MICAL2: variants seen among roughly 807,000 people sequenced by gnomAD.
MICAL2 encodes microtubule associated monooxygenase, calponin and LIM domain containing 2.
MICAL2 carries 77 observed loss-of-function variants against 127.3 expected under a neutral mutation model. The observed-to-expected ratio is 0.60, with a 90% CI of 0.50 to 0.73. MICAL2 has a LOEUF of 0.73. MICAL2 is among the 30% of genes least tolerant of loss of function. MICAL2 has a pLI of 0.00. For synonymous variants in MICAL2, 570 were observed against 551.1 expected (o/e 1.03, Z -0.48); for missense variants, 1,351 against 1,434.4 (o/e 0.94, Z 0.94).
chr11:12,118,646 G>A (rs1850245809), intron 1 of MICAL2, among the ~76,000 whole-genome samples: 1 of 152,210 alleles, frequency 6.6e-6, no homozygotes, highest in Non-Finnish European at 1.5e-5. Flanking sequence ...GGGGCATGTT[G>A]TGGATGCAGG....
intron 32 of MICAL2, among the ~76,000 whole-genome samples, chr11:12,348,086 G>A (rs556513510): frequency 1.1e-4 from 16 of 147,578 alleles, no homozygotes; most frequent in African/African-American, 1.5e-4. Flanking sequence ...CCTGAGAGGC[G>A]GAGGTTGCAG....
intron 26 of MICAL2, chr11:12,262,206 G>A (rs377490119): frequency 7.5e-7 from 1 of 1,335,342 alleles, no homozygotes; most frequent in East Asian, 3.1e-5. Flanking sequence ...ATGAATGGGA[G>A]ACGCTAGAGT....
rs1321426731 is a variant in MICAL2, at chr11:12,287,145, GA to G, written c.314del (p.Arg106GlyfsTer10). On this transcript the variant is annotated frameshift_variant, in exon 3 of 3. Coordinates refer to the MICAL2 transcript ENST00000529028. LOFTEE classifies it low-confidence loss of function (END_TRUNC). ...CAACCCCAAGCAAATACCAGAACTG[GA>G]GGAGAGAATTCTGGTGGAGTGAGTC... The G allele has an allele frequency of 2.5e-6, 1 of 398,876 alleles. No homozygotes were observed. The highest frequency in any genetic ancestry group is 3.6e-5 in the East Asian group (1 of 28,068). The allele number at this position is 398,876 out of a possible 1,614,324, so 24.7% of individuals were successfully genotyped here.
At chr11:12,224,207 G>A (rs145178442) in intron 12 of MICAL2, among the ~76,000 whole-genome samples, 15 of 152,160 alleles carry the variant, frequency 9.9e-5, no homozygotes, top group South Asian at 2.1e-4. Context: ...GACTTCTTCC[G>A]TCTGATAAGT....
At chr11:12,260,082 G>C (rs573337121) in intron 26 of MICAL2, 185 bp downstream of exon 26, 1 of 1,537,092 alleles carries the variant, frequency 6.5e-7, no homozygotes, top group African/African-American at 1.4e-5. Context: ...CGTTCTCTGA[G>C]GTCCTGGCAG....
At chr11:12,293,756 A>G, downstream of MICAL2, 1 of 1,613,860 alleles carries the variant, frequency 6.2e-7, no homozygotes, top group South Asian at 1.1e-5. Context: ...CCCTGCAGAG[A>G]TGACTTCTGA....
At position 12,157,961 on chromosome 11, in the gene MICAL2, C is replaced by G. The variant is rs549753091; in HGVS notation, c.-77-4118C>G. ...CAAAAAATAAATGAGTTGTCCAAGT[C>G]TACACAGAGAGGAAGTGAGTTTGAA... is the stretch of plus-strand genomic sequence containing the variant. On this transcript the variant is annotated intron_variant, in intron 2 of 27. Transcript: ENST00000683283. Among the ~76,000 whole-genome samples the G allele has an allele frequency of 3.9e-5, 6 of 152,272 alleles. No homozygotes were observed. In the South Asian group the frequency reaches 1.2e-3, roughly 32 times the overall value.
downstream of MICAL2, chr11:12,293,437 T>G: frequency 2.4e-6 from 3 of 1,227,042 alleles, no homozygotes; most frequent in Non-Finnish European, 3.4e-6. Context: ...AATTATTTTT[T>G]AATTTGGGCA....
At chr11:12,281,597 T>G (rs1379302257) in intron 2 of MICAL2, among the ~76,000 whole-genome samples, 2 of 152,124 alleles carry the variant, frequency 1.3e-5, no homozygotes, top group Admixed American at 6.5e-5. Flanking sequence ...GCACCCAAAC[T>G]TCTACACAAC....
intron 15 of MICAL2, among the ~76,000 whole-genome samples, chr11:12,228,244 C>T (rs1026100321): frequency 2.3e-4 from 35 of 152,146 alleles, no homozygotes; most frequent in African/African-American, 6.5e-4. Flanking sequence ...GCAGGAGAAT[C>T]GCTTGAACCC....
chr11:12,259,495 A>G (rs1862809213), intron 25 of MICAL2, among the ~76,000 whole-genome samples: 1 of 152,210 alleles, frequency 6.6e-6, no homozygotes, highest in Non-Finnish European at 1.5e-5. Flanking sequence ...TTTACAGTGT[A>G]TGCTAGTATG....
At chr11:12,273,371 C>A (rs928790512), upstream of MICAL2, among the ~76,000 whole-genome samples, 3 of 152,192 alleles carry the variant, frequency 2.0e-5, no homozygotes, top group Non-Finnish European at 4.4e-5. Context: ...GCCACCACCA[C>A]CACCATCGCC....
chr11:12,148,881 C>T (rs1035926624), intron 2 of MICAL2, among the ~76,000 whole-genome samples: 3 of 152,150 alleles, frequency 2.0e-5, no homozygotes, highest in Non-Finnish European at 2.9e-5. Context: ...CCCAGCCAGG[C>T]GTCACTGTGT....
At chr11:12,269,426 A>G (rs546278080) in intron 24 of MICAL2, among the ~76,000 whole-genome samples, 4 of 152,352 alleles carry the variant, frequency 2.6e-5, no homozygotes, top group African/African-American at 9.6e-5. Flanking sequence ...GGCTCCAGAC[A>G]TGCTGCTGTT....
At chr11:12,209,020 A>AT (rs11382193) in intron 5 of MICAL2, among the ~76,000 whole-genome samples, 72,411 of 150,620 alleles carry the variant, frequency 0.48, 18,448 homozygotes, top group African/African-American at 0.67. Flanking sequence ...GCTTCACCTG[A>AT]TTTTTTTTTT....
intron 29 of MICAL2, chr11:12,308,239 T>C (rs566438208): frequency 1.3e-5 from 2 of 152,232 alleles, no homozygotes; most frequent in Admixed American, 6.5e-5. Context: ...TTTGTTTTTC[T>C]TAAAAATTAA....
intron 3 of MICAL2, among the ~76,000 whole-genome samples, chr11:12,172,981 T>C (rs920662124): frequency 6.6e-6 from 1 of 152,172 alleles, no homozygotes; most frequent in Non-Finnish European, 1.5e-5. Context: ...ATAACATACA[T>C]AGTTATAGAA....
intron 29 of MICAL2, among the ~76,000 whole-genome samples, chr11:12,309,990 T>A (rs548553560): frequency 1.4e-4 from 22 of 152,314 alleles, no homozygotes; most frequent in Non-Finnish European, 3.1e-4. Context: ...TTAATAAATA[T>A]CTATTCAGGC....
At chr11:12,118,123 A>G (rs1051321266) in intron 1 of MICAL2, among the ~76,000 whole-genome samples, 1 of 152,162 alleles carries the variant, frequency 6.6e-6, no homozygotes, top group South Asian at 2.1e-4. Flanking sequence ...ATGACCTAGA[A>G]GGTCTTGCTT....
Sources: allele counts gnomAD v4.1 joint callset (sites outside exome capture counted in the v4.1 genomes callset), GRCh38; gene constraint gnomAD v4.1.1; transcripts MANE v1.5; gene names NCBI Gene and HGNC (gene_info 2026-07-23, HGNC 2026-07-21).